The following UBE2K variants were observed in gnomAD, a reference collection of about 807,000 sequenced individuals.
UBE2K encodes the protein ubiquitin-conjugating enzyme E2 K.
In UBE2K, 6 loss-of-function variants were observed where a neutral mutation model predicts 30.0. That is an observed-to-expected ratio of 0.20 (90% CI 0.11 to 0.39). UBE2K has a LOEUF of 0.39. UBE2K is among the 10% of genes least tolerant of loss of function. The pLI is 1.00. For missense variants in UBE2K, 61 were observed against 241.6 expected, an observed-to-expected ratio of 0.25 and a Z score of 4.96; for synonymous variants, 86 against 83.7, an observed-to-expected ratio of 1.03 and a Z score of -0.15.
At chr4:39,776,822 G>A (rs1713309815) in intron 5 of UBE2K, among the ~76,000 whole-genome samples, 1 of 151,976 alleles carries the variant, frequency 6.6e-6, no homozygotes. Context: ...TATAAGCATG[G>A]CTTGTGTTCC....
intron 4 of UBE2K, among the ~76,000 whole-genome samples, chr4:39,773,121 G>A (rs1265755996): frequency 1.3e-5 from 2 of 152,068 alleles, no homozygotes; most frequent in Non-Finnish European, 2.9e-5. Context: ...AAGTGATGTA[G>A]TTTAATCCAA....
At chr4:39,736,755 A>G (rs1434729021) in intron 1 of UBE2K, among the ~76,000 whole-genome samples, 1 of 152,230 alleles carries the variant, frequency 6.6e-6, no homozygotes, top group Non-Finnish European at 1.5e-5. Flanking sequence ...TAAAGTAGAA[A>G]TCTGGTTTTT....
At position 39,757,027 on chromosome 4, in the gene UBE2K, TTTTTG is replaced by T. The variant is rs1474536202; in HGVS notation, c.299+1293_299+1297del. Among the ~76,000 whole-genome samples, 12 of 117,110 alleles carry T rather than the reference TTTTTG, an allele frequency of 1.0e-4. 1 individual carries two copies. Among genetic ancestry groups the T allele is most frequent in the African/African-American group, 2.6e-4 (6 of 22,728 alleles). 76.8% of individuals were successfully genotyped at this position (117,110 alleles called of 152,430 possible). The stretch of plus-strand genomic sequence containing the variant: ...TTTTTTTTTGTTTTTTGTTTTTTGT[TTTTTG>T]TTTTTTTTTTGAGACAGAGTTTCAC... On this transcript the variant is annotated intron_variant, in intron 4 of 6. Coordinates refer to ENST00000261427, the MANE Select transcript of UBE2K (RefSeq NM_005339.5).
chr4:39,763,096 C>T (rs1712072469), intron 4 of UBE2K, among the ~76,000 whole-genome samples: 1 of 150,670 alleles, frequency 6.6e-6, no homozygotes, highest in South Asian at 2.1e-4. Flanking sequence ...GCACGTGCCA[C>T]CATGCCCAGC....
At chr4:39,768,232 A>T (rs923533339) in intron 4 of UBE2K, among the ~76,000 whole-genome samples, 2 of 143,312 alleles carry the variant, frequency 1.4e-5, no homozygotes, top group Non-Finnish European at 1.5e-5. Flanking sequence ...TGAGGTCAGG[A>T]GTTTGAGACC....
At chr4:39,768,131 C>G (rs768952819) in intron 4 of UBE2K, among the ~76,000 whole-genome samples, 4 of 151,884 alleles carry the variant, frequency 2.6e-5, no homozygotes, top group Admixed American at 6.6e-5. Flanking sequence ...AAGAATTTCC[C>G]CTTGTTATTG....
At chr4:39,715,399 TG>T (rs1170817419) in intron 1 of UBE2K, among the ~76,000 whole-genome samples, 1 of 152,050 alleles carries the variant, frequency 6.6e-6, no homozygotes, top group African/African-American at 2.4e-5. Flanking sequence ...CTTGAACTCG[TG>T]GGTTCAAGGG....
At chr4:39,727,320 C>T (rs116548808) in intron 1 of UBE2K, among the ~76,000 whole-genome samples, 2,848 of 152,196 alleles carry the variant, frequency 0.019, 98 homozygotes, top group African/African-American at 0.064. Flanking sequence ...TGAGGAGTAG[C>T]TTTGACTGTT....
At position 39,698,160 on chromosome 4, in the gene UBE2K, G is replaced by C. The variant is rs1390467640; in HGVS notation, c.-168G>C. 1 of 696,076 alleles carries C rather than the reference G, an allele frequency of 1.4e-6. No homozygotes were observed. Among genetic ancestry groups the C allele is most frequent in the African/African-American group, 1.8e-5 (1 of 56,948 alleles). 43.1% of individuals were successfully genotyped at this position (696,076 alleles called of 1,614,324 possible). On this transcript the variant is annotated 5_prime_UTR_variant, in exon 1 of 7. Coordinates refer to ENST00000261427, the MANE Select transcript of UBE2K (RefSeq NM_005339.5). ...CGCCATTTTGGTGGCCGGGCGCGGA[G>C]GTGATTCCACACTGAGGCGAGCGCG... is the stretch of plus-strand genomic sequence containing the variant.
chr4:39,770,771 C>G, intron 4 of UBE2K: 1 of 1,582,816 alleles, frequency 6.3e-7, no homozygotes, highest in Admixed American at 1.8e-5. Context: ...CTCCAGGGGG[C>G]TTGAGCCGGT....
At chr4:39,702,599 C>G (rs1254408551) in intron 1 of UBE2K, among the ~76,000 whole-genome samples, 1 of 152,022 alleles carries the variant, frequency 6.6e-6, no homozygotes, top group Non-Finnish European at 1.5e-5. Flanking sequence ...ATGGCATAAA[C>G]AAATTGGTTT....
intron 4 of UBE2K, among the ~76,000 whole-genome samples, chr4:39,768,189 A>G (rs979959830): frequency 1.3e-5 from 2 of 151,668 alleles, no homozygotes; most frequent in African/African-American, 4.9e-5. Context: ...CTGTAATCCC[A>G]GCACTTTGGG....
At chr4:39,753,126 C>T (rs899763543) in intron 3 of UBE2K, among the ~76,000 whole-genome samples, 2 of 152,202 alleles carry the variant, frequency 1.3e-5, no homozygotes, top group African/African-American at 2.4e-5. Flanking sequence ...CAGTGGCTCA[C>T]GCCTATAATC....
rs938433467 is a variant in UBE2K, at chr4:39,745,738, C to T, written c.158-14C>T. 4 of 1,583,668 alleles carry T rather than the reference C, an allele frequency of 2.5e-6. No individual in the cohort carries two copies. Among genetic ancestry groups the T allele is most frequent in the Non-Finnish European group, 3.5e-6 (4 of 1,156,750 alleles). On this transcript the variant is annotated splice_polypyrimidine_tract_variant and intron_variant, in intron 2 of 6. Coordinates refer to ENST00000261427, the MANE Select transcript of UBE2K (RefSeq NM_005339.5). ...TGAGCAGCATTCTTAACTTTGTTTTCCCCATTTTTTTAGGAGGAAGATACC... is the reference window on the plus strand; with the variant it reads ...TGAGCAGCATTCTTAACTTTGTTTTTCCCATTTTTTTAGGAGGAAGATACC...
At chr4:39,740,149 A>C (rs555286185) in intron 2 of UBE2K, among the ~76,000 whole-genome samples, 5 of 152,072 alleles carry the variant, frequency 3.3e-5, no homozygotes, top group Admixed American at 6.6e-5. Context: ...CTTCTTCTTG[A>C]AGTCAGACCT....
chr4:39,698,883 T>G (rs1467537207), intron 1 of UBE2K, among the ~76,000 whole-genome samples: 1 of 152,190 alleles, frequency 6.6e-6, no homozygotes, highest in East Asian at 1.9e-4. Context: ...GAAGGAGCAG[T>G]GAGTCCTTAG....
intron 1 of UBE2K, among the ~76,000 whole-genome samples, chr4:39,724,934 C>G (rs1560350312): frequency 6.6e-6 from 1 of 152,070 alleles, no homozygotes; most frequent in African/African-American, 2.4e-5. Context: ...CTCCAGTGTT[C>G]TTATTTTTGT....
At chr4:39,737,687 T>C (rs1720451416) in intron 2 of UBE2K, among the ~76,000 whole-genome samples, 174 bp downstream of exon 2, 1 of 152,220 alleles carries the variant, frequency 6.6e-6, no homozygotes, top group African/African-American at 2.4e-5. Flanking sequence ...TGGTATTTCT[T>C]ACTGAATTTT....
intron 4 of UBE2K, among the ~76,000 whole-genome samples, chr4:39,763,653 C>A (rs1712121857): frequency 6.6e-6 from 1 of 152,170 alleles, no homozygotes; most frequent in Admixed American, 6.5e-5. Context: ...AACACCTCTC[C>A]CCAGGCTCCA....
Sources: allele counts gnomAD v4.1 joint callset (sites outside exome capture counted in the v4.1 genomes callset), GRCh38; gene constraint gnomAD v4.1.1; transcripts MANE v1.5; gene names NCBI Gene and HGNC (gene_info 2026-07-23, HGNC 2026-07-21).